Variants in ZBTB8A observed in about 807,000 individuals in gnomAD.
ZBTB8A encodes the protein zinc finger and BTB domain-containing protein 8A.
Under a neutral mutation model 37.8 loss-of-function variants are expected in ZBTB8A, and 19 were observed. The ratio of observed to expected loss-of-function variants is 0.50; its 90% CI spans 0.35 to 0.74. The LOEUF is 0.74. ZBTB8A is among the 30% of genes least tolerant of loss of function. ZBTB8A has a pLI of 0.01. For synonymous variants in ZBTB8A, 181 were observed against 185.2 expected (o/e 0.98, Z 0.19); for missense variants, 394 against 537.8 (o/e 0.73, Z 2.65).
intron 4 of ZBTB8A, among the ~76,000 whole-genome samples, chr1:32,595,688 C>T (rs1455283664): frequency 7.4e-5 from 11 of 149,654 alleles, no homozygotes; most frequent in African/African-American, 2.2e-4. Flanking sequence ...CTCTCTCTAT[C>T]GCCCAAGCTG....
At position 32,593,822 on chromosome 1, in the gene ZBTB8A, A is replaced by C. The variant is rs1236942649; in HGVS notation, c.823+68A>C. 3.2e-6 allele frequency: 4 copies of C among 1,230,908 alleles called. No homozygotes were observed. In the African/African-American group the frequency reaches 6.1e-5, roughly 19 times the overall value. The allele number at this position is 1,230,908 out of a possible 1,614,324, so 76.2% of individuals were successfully genotyped here. A position where few individuals can be genotyped will look rare whatever the true frequency, so the allele number is the denominator to read the frequency against. On this transcript the variant is annotated intron_variant, in intron 3 of 4. Coordinates refer to ENST00000373510, the MANE Select transcript of ZBTB8A (RefSeq NM_001040441.3). ...TGCTATATTAATCAGTCTACTGTCA[A>C]AACACCCTTAGTTTCAGGTGCTCTA...
In ZBTB8A at chr1:32,575,666, C is replaced by T. The variant is rs1004414891; in HGVS notation, c.-1-17265C>T. On this transcript the variant is annotated intron_variant, in intron 2 of 4. Coordinates refer to ENST00000373510, the MANE Select transcript of ZBTB8A (RefSeq NM_001040441.3). ...GAGTTCAAGACCAGCCTGAGCAACA[C>T]AGCAGGACCCCATCTCTGCAAAAAA... Among the ~76,000 whole-genome samples the T allele has an allele frequency of 1.9e-4, 29 of 150,734 alleles. No individual in the cohort carries two copies. The East Asian group carries it at 5.4e-3, about 28-fold the overall frequency.
rs189691831 is a variant in ZBTB8A, at chr1:32,562,940, T to C, written c.-2+9400T>C. The stretch of plus-strand genomic sequence containing the variant: ...TGTATAAACTGTTATTTTGGTATTA[T>C]AAAATGTAAATCATTTATATTATAA... On this transcript the variant is annotated intron_variant, in intron 2 of 4. Coordinates refer to ENST00000373510, the MANE Select transcript of ZBTB8A (RefSeq NM_001040441.3). 4.1e-4 allele frequency among the ~76,000 whole-genome samples: 63 copies of C among 152,276 alleles called. No individual in the cohort carries two copies. The South Asian group carries it at 7.5e-3, about 18-fold the overall frequency.
At chr1:32,581,302 T>G (rs995176680) in intron 2 of ZBTB8A, among the ~76,000 whole-genome samples, 1 of 116,680 alleles carries the variant, frequency 8.6e-6, no homozygotes, top group African/African-American at 3.3e-5. Flanking sequence ...TTATATATTA[T>G]ATAATAATAT....
chr1:32,597,216 A>C (rs1449665860), intron 4 of ZBTB8A, among the ~76,000 whole-genome samples: 1 of 151,998 alleles, frequency 6.6e-6, no homozygotes, highest in Admixed American at 6.6e-5. Context: ...GCTGGTCTTG[A>C]ATTCCTGACC....
At chr1:32,581,362 T>A (rs113153069) in intron 2 of ZBTB8A, among the ~76,000 whole-genome samples, 21,548 of 133,334 alleles carry the variant, frequency 0.16, 2,030 homozygotes, top group African/African-American at 0.27. Flanking sequence ...ATATATATAT[T>A]TTTTTTGAGA....
intron 4 of ZBTB8A, among the ~76,000 whole-genome samples, chr1:32,598,161 G>C (rs1414275410): frequency 6.7e-6 from 1 of 149,034 alleles, no homozygotes; most frequent in Non-Finnish European, 1.5e-5. Flanking sequence ...GATAATAACT[G>C]TACTAGTGGT....
intron 2 of ZBTB8A, among the ~76,000 whole-genome samples, chr1:32,554,500 AT>A (rs1644184701): frequency 7.0e-6 from 1 of 143,140 alleles, no homozygotes; most frequent in South Asian, 2.2e-4. Flanking sequence ...TTATTTATTT[AT>A]TTATTTATTT....
chr1:32,544,296 G>A (rs759357437), intron 1 of ZBTB8A, among the ~76,000 whole-genome samples: 1 of 152,184 alleles, frequency 6.6e-6, no homozygotes, highest in South Asian at 2.1e-4. Context: ...CCTACTACAC[G>A]CCTAGGCTGT....
chr1:32,596,521 C>A (rs2148253348), intron 4 of ZBTB8A, among the ~76,000 whole-genome samples: 1 of 152,198 alleles, frequency 6.6e-6, no homozygotes, highest in South Asian at 2.1e-4. Flanking sequence ...GTGGAGGTTA[C>A]AGTGAGCTGA....
In ZBTB8A at chr1:32,552,946, TTAA is replaced by T. The variant is rs1201164403; in HGVS notation, c.-83-510_-83-508del. Reference sequence around the variant, plus strand: ...TTACATATTTGTTCTATATTATATATTAATATTAATTATTAATGATTTTCTATT... The same window carrying T: ...TTACATATTTGTTCTATATTATATATTATTAATTATTAATGATTTTCTATT... On this transcript the variant is annotated intron_variant, in intron 1 of 4. Transcript: ENST00000373510. 2.7e-5 allele frequency among the ~76,000 whole-genome samples: 4 copies of T among 148,734 alleles called. No homozygotes were observed. In the East Asian group the frequency reaches 7.8e-4, roughly 29 times the overall value.
At chr1:32,571,010 G>A (rs969094547) in intron 2 of ZBTB8A, among the ~76,000 whole-genome samples, 1 of 151,894 alleles carries the variant, frequency 6.6e-6, no homozygotes, top group Admixed American at 6.6e-5. Flanking sequence ...TGCGTAGCTG[G>A]GATTACAGGT....
chr1:32,597,126 C>G (rs187041543), intron 4 of ZBTB8A, among the ~76,000 whole-genome samples: 32 of 152,222 alleles, frequency 2.1e-4, no homozygotes, highest in African/African-American at 7.2e-4. Context: ...CCTGTCTCAG[C>G]CTCCCGAGTA....
intron 2 of ZBTB8A, among the ~76,000 whole-genome samples, chr1:32,583,250 C>T (rs1014426117): frequency 6.6e-6 from 1 of 151,652 alleles, no homozygotes; most frequent in African/African-American, 2.4e-5. Context: ...CATGGGGGTG[C>T]AAGCCTGTAG....
chr1:32,577,888 A>G (rs1375597166), intron 2 of ZBTB8A, among the ~76,000 whole-genome samples: 2 of 151,424 alleles, frequency 1.3e-5, no homozygotes, highest in South Asian at 2.1e-4. Flanking sequence ...TGGCCCAGAT[A>G]CTGTATTTTT....
Position 32,546,301 on chromosome 1 carries a change from A to C in ZBTB8A, c.-84+6729A>C, listed in dbSNP as rs1044333370. ...TCTGTTAAAAATATAATAATTAGCC[A>C]GGTGTGGTGGTGCGTGCCTGTAATC... On this transcript the variant is annotated intron_variant, in intron 1 of 4. Transcript: ENST00000373510. Among the ~76,000 whole-genome samples, 40 of 152,048 alleles carry C rather than the reference A, an allele frequency of 2.6e-4. 1 individual carries two copies. The highest frequency in any genetic ancestry group is 9.4e-4 in the African/African-American group (39 of 41,390).
intron 1 of ZBTB8A, among the ~76,000 whole-genome samples, chr1:32,552,584 C>T (rs1333974762): frequency 1.3e-5 from 2 of 151,844 alleles, no homozygotes; most frequent in Admixed American, 1.3e-4. Flanking sequence ...GGGAATTGCT[C>T]AAACCAGGGA....
chr1:32,588,688 A>G (rs1159604358), intron 2 of ZBTB8A, among the ~76,000 whole-genome samples: 3 of 152,038 alleles, frequency 2.0e-5, no homozygotes, highest in Non-Finnish European at 2.9e-5. Context: ...ACTAATAACC[A>G]TAAAAATGGT....
intron 2 of ZBTB8A, among the ~76,000 whole-genome samples, chr1:32,574,528 T>C (rs1440459966): frequency 6.6e-6 from 1 of 152,042 alleles, no homozygotes; most frequent in Non-Finnish European, 1.5e-5. Flanking sequence ...GCCCAGAAGT[T>C]TGAGGTTATA....
Sources: allele counts gnomAD v4.1 joint callset (sites outside exome capture counted in the v4.1 genomes callset), GRCh38; gene constraint gnomAD v4.1.1; transcripts MANE v1.5; gene names NCBI Gene and HGNC (gene_info 2026-07-23, HGNC 2026-07-21).